The following ZNF814 variants were observed in gnomAD, a reference collection of about 807,000 sequenced individuals.
ZNF814 encodes zinc finger protein 814.
Under a neutral mutation model 7.5 loss-of-function variants are expected in ZNF814, and 5 were observed. The ratio of observed to expected loss-of-function variants is 0.67; its 90% CI spans 0.35 to 1.40. The LOEUF is 1.40. Ranked by LOEUF, ZNF814 falls within the 40% of genes most tolerant of loss-of-function variation. The pLI is 0.04. For missense variants in ZNF814, 962 were observed against 1,018.0 expected (o/e 0.94, Z 0.75); for synonymous variants, 315 against 340.7 (o/e 0.92, Z 0.83).
At position 57,872,178 on chromosome 19, in the gene ZNF814, A is replaced by G. The variant is rs188554598; in HGVS notation, c.*644T>C. ...GCTGCCACACACTTGGAACTTTTGC[A>G]GATGCTCAATAAATGACATTCAATC... On this transcript the variant is annotated 3_prime_UTR_variant, in exon 3 of 3. Coordinates refer to ENST00000435989, the MANE Select transcript of ZNF814 (RefSeq NM_001144989.2). Among the ~76,000 whole-genome samples the G allele has an allele frequency of 2.6e-5, 4 of 152,338 alleles. No individual in the cohort carries two copies. The East Asian group carries it at 7.7e-4, about 29-fold the overall frequency.
At chr19:57,878,191 A>G (rs1052174907) in intron 1 of ZNF814, among the ~76,000 whole-genome samples, 1 of 149,794 alleles carries the variant, frequency 6.7e-6, no homozygotes, top group Non-Finnish European at 1.5e-5. Context: ...AAAAAAAATC[A>G]AATATATTAA....
At chr19:57,903,646 C>G in the ZNF814 span, among the ~76,000 whole-genome samples, 2 of 152,262 alleles carry the variant, frequency 1.3e-5, no homozygotes, top group South Asian at 2.1e-4. Flanking sequence ...ATATTTTCAG[C>G]GAGGCAGCCA....
chr19:57,901,838 T>C, the ZNF814 span: 2 of 397,840 alleles, frequency 5.0e-6, no homozygotes, highest in Non-Finnish European at 8.9e-6. Flanking sequence ...ATTGGACTTA[T>C]GTCCCATTTC....
chr19:57,896,704 A>G, the ZNF814 span, among the ~76,000 whole-genome samples: 7 of 152,352 alleles, frequency 4.6e-5, no homozygotes, highest in Non-Finnish European at 1.0e-4. The surrounding 1 kb of genome is among the most constrained non-coding windows in gnomAD (Gnocchi z 4.2). Context: ...TAAGCAAGCC[A>G]TTAGTCAATA....
intron 2 of ZNF814, 29 bp downstream of exon 2, chr19:57,876,887 A>C (rs1471638561): frequency 1.2e-6 from 2 of 1,613,090 alleles, no homozygotes; most frequent in Non-Finnish European, 1.7e-6. Context: ...AGACTAGCTC[A>C]GGTCACAGGG....
intron 1 of ZNF814, among the ~76,000 whole-genome samples, chr19:57,885,229 T>C (rs577365614): frequency 1.3e-5 from 2 of 151,074 alleles, no homozygotes; most frequent in African/African-American, 2.4e-5. Context: ...GGCTGAGACA[T>C]GAGAATCGCT....
chr19:57,874,639 A>C lies in ZNF814; in HGVS notation c.751T>G (p.Phe251Val), dbSNP rs1269332932. 1 of 1,555,174 alleles carries C rather than the reference A, an allele frequency of 6.4e-7. No individual in the cohort carries two copies. Among genetic ancestry groups the C allele is most frequent in the Non-Finnish European group, 8.7e-7 (1 of 1,148,520 alleles). The change falls in exon 3 of 3, where the codon TTT becomes GTT. Residue 251 changes from phenylalanine to valine, a missense_variant. Phe to Val is a conservative substitution (Grantham distance 50, BLOSUM62 -1). Transcript: ENST00000435989. ...TTACTCAAGCTAGCATATTTGCTAA[A>C]GGACTTCCCACATTCACAGCACACA... is the stretch of plus-strand genomic sequence containing the variant. The part of the protein sequence containing the change: ...CYVCCECGKS[F>V]SKYASLSNHQ...
upstream of ZNF814, among the ~76,000 whole-genome samples, chr19:57,893,062 G>A (rs559403322): frequency 2.9e-4 from 44 of 152,260 alleles, no homozygotes; most frequent in African/African-American, 1.0e-3. Flanking sequence ...GGCCCCCAAG[G>A]GTGTGGTGCA....
chr19:57,888,734 G>C, intron 1 of ZNF814, 33 bp downstream of exon 1: 1 of 1,553,504 alleles, frequency 6.4e-7, no homozygotes. Flanking sequence ...TGACGATGAG[G>C]TGACCTGAGG....
chr19:57,898,402 A>G, the ZNF814 span, among the ~76,000 whole-genome samples: 1 of 152,218 alleles, frequency 6.6e-6, no homozygotes, highest in Non-Finnish European at 1.5e-5. Flanking sequence ...AAAGTGACCA[A>G]CCAGAACCTT....
At chr19:57,900,839 A>ATTTTTCTTTTTTTTTTTTTTTTTT in the ZNF814 span, among the ~76,000 whole-genome samples, 1 of 45,782 alleles carries the variant, frequency 2.2e-5, no homozygotes, top group Non-Finnish European at 3.8e-5. Context: ...CCATGGCTGC[A>ATTTTTCTTTTTTTTTTTTTTTTTT]TTTTTTTTTT....
chr19:57,894,769 G>A, the ZNF814 span, among the ~76,000 whole-genome samples: 23 of 151,810 alleles, frequency 1.5e-4, no homozygotes, highest in South Asian at 2.1e-3. Flanking sequence ...GGGAGGTGGA[G>A]CTTGCAGTGA....
intron 1 of ZNF814, among the ~76,000 whole-genome samples, chr19:57,882,861 T>C (rs1600139092): frequency 1.3e-5 from 2 of 152,096 alleles, no homozygotes; most frequent in East Asian, 1.9e-4. Context: ...CTGATGAACA[T>C]CTACAAGCAT....
chr19:57,883,190 G>C (rs1421722019), intron 1 of ZNF814, among the ~76,000 whole-genome samples: 4 of 150,324 alleles, frequency 2.7e-5, no homozygotes, highest in Non-Finnish European at 4.4e-5. Flanking sequence ...AACCCCATCT[G>C]TACTAAAAAT....
chr19:57,889,420 C>T (rs567704938), upstream of ZNF814, among the ~76,000 whole-genome samples: 32 of 152,216 alleles, frequency 2.1e-4, no homozygotes, highest in African/African-American at 7.2e-4. Context: ...TCGGGCGGGC[C>T]TGTGGTCCCA....
rs75978493 is a variant in ZNF814, at chr19:57,872,332, C to T, written c.*490G>A. The T allele has an allele frequency of 0.053, 9,214 of 173,444 alleles. 338 individuals are homozygous for T. Among genetic ancestry groups the T allele is most frequent in the Middle Eastern group, 0.081 (28 of 346 alleles). The allele number at this position is 173,444 out of a possible 1,614,324, so 10.7% of individuals were successfully genotyped here. ...GCTGAAGGCTTTCTTGCATTCATTA[C>T]ATTCAAAAGGCATTTCTGCAGTGGG... On this transcript the variant is annotated 3_prime_UTR_variant, in exon 3 of 3. Coordinates refer to ENST00000435989, the MANE Select transcript of ZNF814 (RefSeq NM_001144989.2).
In ZNF814 at chr19:57,888,903, G is replaced by C; in HGVS notation, c.-101C>G. 1 of 1,360,848 alleles carries C rather than the reference G, an allele frequency of 7.3e-7. No individual in the cohort carries two copies. The highest frequency in any genetic ancestry group is 1.0e-6 in the Non-Finnish European group (1 of 980,380). The allele number at this position is 1,360,848 out of a possible 1,614,324, so 84.3% of individuals were successfully genotyped here. On this transcript the variant is annotated 5_prime_UTR_variant, in exon 1 of 3. Coordinates refer to ENST00000435989, the MANE Select transcript of ZNF814 (RefSeq NM_001144989.2). ...CTGGCCCAGGAGTGGGTCACGCTGGGCGCCGTCACAGAGCTCCAGAGTAGC... is the reference window on the plus strand; with the variant it reads ...CTGGCCCAGGAGTGGGTCACGCTGGCCGCCGTCACAGAGCTCCAGAGTAGC...
the ZNF814 span, among the ~76,000 whole-genome samples, chr19:57,904,079 A>T: frequency 2.0e-5 from 3 of 152,304 alleles, no homozygotes; most frequent in Admixed American, 2.0e-4. Context: ...AACCCTCTGT[A>T]GCCTTTGGAG....
chr19:57,895,531 C>T, the ZNF814 span, among the ~76,000 whole-genome samples: 2 of 152,174 alleles, frequency 1.3e-5, no homozygotes, highest in East Asian at 3.9e-4. Context: ...CCGCCTCGGC[C>T]TCCCAAAGTG....
Sources: gnomAD v4.1 joint callset for allele counts (sites outside exome capture counted in the v4.1 genomes callset) on GRCh38, gnomAD v4.1.1 for gene constraint, Gnocchi (gnomAD v3.1) non-coding constraint, MANE v1.5 for transcripts, NCBI Gene and HGNC (gene_info 2026-07-23, HGNC 2026-07-21) for gene names.